Variants in PDZRN3 observed in about 807,000 individuals in gnomAD.
PDZRN3 encodes PDZ domain containing ring finger 3, also known as E3 ubiquitin-protein ligase PDZRN3.
A neutral mutation model predicts 85.7 loss-of-function variants in PDZRN3; 38 were observed. The ratio of observed to expected loss-of-function variants is 0.44; its 90% confidence interval spans 0.34 to 0.58. PDZRN3 has a LOEUF of 0.58. PDZRN3 is among the 20% of genes least tolerant of loss of function. The pLI, the probability that PDZRN3 is intolerant of heterozygous loss-of-function variation, is 0.01. For missense variants in PDZRN3, 1,629 were observed against 1,506.4 expected, an observed-to-expected ratio of 1.08 and a Z score of -1.35; for synonymous variants, 759 against 638.0, an observed-to-expected ratio of 1.19 and a Z score of -2.86.
chr3:73,541,493 A>T (rs1011139177), intron 3 of PDZRN3, among the ~76,000 whole-genome samples: 4 of 152,180 alleles, frequency 2.6e-5, no homozygotes, highest in Non-Finnish European at 5.9e-5. Context: ...AGGTTAAGTA[A>T]CCTTAGTTAT....
intron 7 of PDZRN3, among the ~76,000 whole-genome samples, chr3:73,388,631 G>A (rs1044573624): frequency 6.6e-6 from 1 of 152,050 alleles, no homozygotes; most frequent in Non-Finnish European, 1.5e-5. Flanking sequence ...TGGTGACTTT[G>A]AGCCCTGCTG....
At position 73,391,104 on chromosome 3, in the gene PDZRN3, A is replaced by G; in HGVS notation, c.1267T>C (p.Tyr423His). The change falls in exon 6 of 10, where the codon TAC becomes CAC. Residue 423 changes from tyrosine to histidine, a missense_variant. Coordinates refer to ENST00000263666, the MANE Select transcript of PDZRN3 (RefSeq NM_015009.3). Reference protein sequence around the residue: ...EELELEEVDLYRMNSQDKLGL... With the variant: ...EELELEEVDLHRMNSQDKLGL... ...AGCTTGTCCTGGCTGTTCATTCTGT[A>G]GAGGTCCACTTCCTAGACAAAGAAA... The G allele has an allele frequency of 6.2e-7, 1 of 1,612,200 alleles. No individual in the cohort carries two copies. Among genetic ancestry groups the G allele is most frequent in the East Asian group, 2.2e-5 (1 of 44,870 alleles).
intron 3 of PDZRN3, among the ~76,000 whole-genome samples, chr3:73,509,029 C>T (rs942705771): frequency 2.0e-5 from 3 of 152,156 alleles, no homozygotes; most frequent in Admixed American, 6.5e-5. Context: ...GTAAGCCTCA[C>T]GTGGCAATTA....
intron 3 of PDZRN3, among the ~76,000 whole-genome samples, chr3:73,427,514 T>C (rs13063715): frequency 0.1 from 15,367 of 152,050 alleles, 871 homozygotes; most frequent in Middle Eastern, 0.2. Flanking sequence ...TTATTAAAGC[T>C]GGATTTTTTC....
intron 3 of PDZRN3, among the ~76,000 whole-genome samples, chr3:73,514,575 A>G (rs549247885): frequency 1.2e-3 from 190 of 152,320 alleles, no homozygotes; most frequent in African/African-American, 4.3e-3. Flanking sequence ...ATATGATGTA[A>G]GAAATTTCAA....
intron 3 of PDZRN3, among the ~76,000 whole-genome samples, chr3:73,521,366 A>C (rs977227177): frequency 6.6e-6 from 1 of 152,106 alleles, no homozygotes; most frequent in Admixed American, 6.6e-5. Context: ...AGAGGATCAA[A>C]ATGTGCATTT....
intron 1 of PDZRN3, among the ~76,000 whole-genome samples, chr3:73,616,918 T>C (rs746605295): frequency 1.3e-5 from 2 of 152,126 alleles, no homozygotes; most frequent in East Asian, 1.9e-4. Flanking sequence ...AACCCGAATA[T>C]TGCTGATCCC....
rs765104890 is a variant in PDZRN3 at position 73,397,030 on chromosome 3, TTTTC to T, written c.1254+3888_1254+3891del. Reference sequence around the variant, plus strand: ...TGTTTTTCTTTTATTTCTTTCTTCTTTTTCTTTCTTTTTTTTTTTTTGAGACAGA... The same window carrying T: ...TGTTTTTCTTTTATTTCTTTCTTCTTTTTCTTTTTTTTTTTTTGAGACAGA... On this transcript the variant is annotated intron_variant, in intron 5 of 9. Coordinates refer to ENST00000263666, the MANE Select transcript of PDZRN3 (RefSeq NM_015009.3). 5.1e-4 allele frequency among the ~76,000 whole-genome samples: 75 copies of T among 145,888 alleles called. 1 individual carries two copies. Among genetic ancestry groups the T allele is most frequent in the Non-Finnish European group, 7.8e-4 (52 of 66,682 alleles).
At chr3:73,459,698 G>A (rs1053807063) in intron 3 of PDZRN3, among the ~76,000 whole-genome samples, 1 of 152,048 alleles carries the variant, frequency 6.6e-6, no homozygotes, top group Non-Finnish European at 1.5e-5. Context: ...TTCTTTTTAC[G>A]GCTGCATAGT....
intron 3 of PDZRN3, among the ~76,000 whole-genome samples, chr3:73,518,890 T>C (rs187214101): frequency 3.9e-5 from 6 of 152,324 alleles, no homozygotes; most frequent in Admixed American, 2.0e-4. Flanking sequence ...TTTCAACCCA[T>C]GAATGTTGTG....
chr3:73,590,480 G>A (rs1234895299), intron 3 of PDZRN3, among the ~76,000 whole-genome samples: 6 of 152,150 alleles, frequency 3.9e-5, no homozygotes, highest in Non-Finnish European at 7.3e-5. Flanking sequence ...ACATACCAGA[G>A]GGAATTAGTT....
At chr3:73,555,036 A>C (rs1328162139) in intron 3 of PDZRN3, among the ~76,000 whole-genome samples, 3 of 152,248 alleles carry the variant, frequency 2.0e-5, no homozygotes, top group African/African-American at 7.2e-5. Flanking sequence ...CAGACAAAGC[A>C]GATAAGTTGC....
intron 3 of PDZRN3, among the ~76,000 whole-genome samples, chr3:73,595,887 C>T (rs112835598): frequency 2.6e-3 from 392 of 152,174 alleles, no homozygotes; most frequent in African/African-American, 9.2e-3. Flanking sequence ...GTTTATATTA[C>T]ATATTTACAT....
chr3:73,563,686 T>A (rs1289643354), intron 3 of PDZRN3, among the ~76,000 whole-genome samples: 1 of 152,202 alleles, frequency 6.6e-6, no homozygotes, highest in Non-Finnish European at 1.5e-5. Context: ...ACTGACGCTA[T>A]ATGGCCATAA....
chr3:73,563,014 T>TATATATATATATA lies in PDZRN3; in HGVS notation c.918+39339_918+39340insTATATATATATAT, dbSNP rs1491432587. Among the ~76,000 whole-genome samples the TATATATATATATA allele has an allele frequency of 2.1e-3, 42 of 20,200 alleles. 1 individual carries two copies. The highest frequency in any genetic ancestry group is 3.6e-3 in the African/African-American group (20 of 5,626). The allele number at this position is 20,200 out of a possible 152,430, so 13.3% of individuals were successfully genotyped here. On this transcript the variant is annotated intron_variant, in intron 3 of 9. Transcript: ENST00000263666. ...ATATATATATATATATATATATATATTTTTTTTTTTTTTTTTTTTTTTGAG... is the reference window on the plus strand; with the variant it reads ...ATATATATATATATATATATATATATATATATATATATATTTTTTTTTTTTTTTTTTTTTTGAG...
chr3:73,582,480 A>C (rs1397755512), intron 3 of PDZRN3, among the ~76,000 whole-genome samples: 1 of 152,110 alleles, frequency 6.6e-6, no homozygotes, highest in East Asian at 1.9e-4. Flanking sequence ...AACAAAAATA[A>C]ATTTTAAAAC....
chr3:73,589,148 C>G (rs546217456), intron 3 of PDZRN3, among the ~76,000 whole-genome samples: 30 of 151,910 alleles, frequency 2.0e-4, no homozygotes, highest in Non-Finnish European at 3.8e-4. Flanking sequence ...CCTGGGTTCA[C>G]GCCATTCTGC....
At position 73,503,061 on chromosome 3, in the gene PDZRN3, T is replaced by C. The variant is rs560790918; in HGVS notation, c.919-98666A>G. Among the ~76,000 whole-genome samples the C allele has an allele frequency of 9.8e-5, 15 of 152,362 alleles. No homozygotes were observed. In the East Asian group the frequency reaches 2.9e-3, roughly 29 times the overall value. ...TATACTATCATGGATAGTAGTTTTG[T>C]TGTTTTGAATAAAACAATTTTATCT... On this transcript the variant is annotated intron_variant, in intron 3 of 9. Coordinates refer to ENST00000263666, the MANE Select transcript of PDZRN3 (RefSeq NM_015009.3).
At chr3:73,511,427 A>G (rs1190545982) in intron 3 of PDZRN3, among the ~76,000 whole-genome samples, 1 of 152,138 alleles carries the variant, frequency 6.6e-6, no homozygotes, top group Non-Finnish European at 1.5e-5. Context: ...CATCCTCTAG[A>G]GCTGGGTTTC....
Sources: allele counts gnomAD v4.1 joint callset (sites outside exome capture counted in the v4.1 genomes callset), GRCh38; gene constraint gnomAD v4.1.1; transcripts MANE v1.5; gene names NCBI Gene and HGNC (gene_info 2026-07-23, HGNC 2026-07-21).